NHS: variants seen among roughly 807,000 people sequenced by gnomAD.
The protein encoded by NHS is NHS actin remodeling regulator.
NHS carries 5 observed loss-of-function variants against 72.5 expected under a neutral mutation model. That is an observed-to-expected ratio of 0.07 (90% CI 0.04 to 0.14). The LOEUF is 0.14. NHS is among the 10% of genes least tolerant of loss of function. The pLI is 1.00. For missense variants in NHS, 1,072 were observed against 1,355.7 expected (o/e 0.79, Z 3.29); for synonymous variants, 464 against 547.7 (o/e 0.85, Z 2.13).
At chrX:17,502,294 C>T (rs1285270169) in intron 1 of NHS, among the ~76,000 whole-genome samples, 1 of 111,180 alleles carries the variant, frequency 9.0e-6, no homozygotes, top group Non-Finnish European at 1.9e-5. Context: ...TTAATCTCTG[C>T]GGTTGGAGCA....
chrX:17,634,238 C>T (rs963225240), intron 1 of NHS, among the ~76,000 whole-genome samples: 1 of 112,230 alleles, frequency 8.9e-6, no homozygotes, highest in African/African-American at 3.2e-5. Flanking sequence ...GCCTCAGCGC[C>T]GTTCAGTTCC....
intron 1 of NHS, among the ~76,000 whole-genome samples, chrX:17,554,834 CTTTTTTTTCT>C (rs1025476462): frequency 7.7e-5 from 8 of 104,058 alleles, no homozygotes; most frequent in African/African-American, 1.3e-4. Context: ...TGGCTGTTTT[CTTTTTTTTCT>C]TTTTTTTTCT....
chrX:17,694,403 C>G lies in NHS; in HGVS notation c.852+1935C>G, dbSNP rs190958524. 1.7e-3 allele frequency among the ~76,000 whole-genome samples: 192 copies of G among 112,387 alleles called. 1 individual carries two copies. Among genetic ancestry groups the G allele is most frequent in the African/African-American group, 5.8e-3 (179 of 30,911 alleles). ...AGACAAATGGCTGCAGGTATAGAGA[C>G]AGGAAATTTGTAGTCAAATTGCTGG... is the stretch of plus-strand genomic sequence containing the variant. On this transcript the variant is annotated intron_variant, in intron 3 of 8. Transcript: ENST00000676302.
Position 17,537,390 on chromosome X carries a change from G to A in NHS, c.566-150352G>A, listed in dbSNP as rs1452422795. Among the ~76,000 whole-genome samples the A allele has an allele frequency of 2.7e-5, 3 of 112,625 alleles. No homozygotes were observed. The Admixed American group carries it at 2.8e-4, about 11-fold the overall frequency. ...AGACAGAATCTCTTTGGATGAGGAG[G>A]AGAAAGCAAAGTGAATTGGAAGTAA... is the stretch of plus-strand genomic sequence containing the variant. On this transcript the variant is annotated intron_variant, in intron 1 of 8. Transcript: ENST00000676302.
chrX:17,552,031 GA>G (rs201385355), intron 1 of NHS, among the ~76,000 whole-genome samples: 22,188 of 111,268 alleles, frequency 0.2, 1,794 homozygotes, highest in South Asian at 0.42. Context: ...TCTTTAAAGG[GA>G]GGAAACCGAG....
At chrX:17,629,369 G>A (rs918367937) in intron 1 of NHS, among the ~76,000 whole-genome samples, 2 of 111,934 alleles carry the variant, frequency 1.8e-5, no homozygotes, top group South Asian at 7.5e-4. Flanking sequence ...TCTGCTTCTT[G>A]TCCTGGGTCT....
chrX:17,395,444 G>T (rs368591677), intron 1 of NHS, among the ~76,000 whole-genome samples: 2 of 112,035 alleles, frequency 1.8e-5, no homozygotes, highest in South Asian at 7.4e-4. Flanking sequence ...ACTATAGCAG[G>T]AGTCATTTTA....
chrX:17,717,968 TACAGTTTGCAA>T (rs1376058871), intron 3 of NHS, among the ~76,000 whole-genome samples: 1 of 111,944 alleles, frequency 8.9e-6, no homozygotes, highest in Non-Finnish European at 1.9e-5. Flanking sequence ...ATAACAAAGT[TACAGTTTGCAA>T]AGACATTTTC....
At chrX:17,638,019 G>A (rs758936394) in intron 1 of NHS, among the ~76,000 whole-genome samples, 3 of 111,829 alleles carry the variant, frequency 2.7e-5, no homozygotes, top group South Asian at 3.8e-4. Flanking sequence ...CTCCTGTTGC[G>A]TCTAGCTTAG....
intron 1 of NHS, among the ~76,000 whole-genome samples, chrX:17,487,667 G>A (rs1385714045): frequency 2.7e-5 from 3 of 111,707 alleles, no homozygotes; most frequent in African/African-American, 9.8e-5. Context: ...CTCAGAGGCT[G>A]TAATTTTAGT....
chrX:17,635,173 C>A, intron 1 of NHS: 1 of 430,709 alleles, frequency 2.3e-6, no homozygotes, highest in Non-Finnish European at 3.1e-6. Flanking sequence ...TGGCCAACTG[C>A]AATTGGAGTA....
At chrX:17,584,883 T>C (rs1252850227) in intron 1 of NHS, among the ~76,000 whole-genome samples, 1 of 112,104 alleles carries the variant, frequency 8.9e-6, no homozygotes, top group Non-Finnish European at 1.9e-5. Flanking sequence ...TTTCATGTAG[T>C]CTGAATTAGG....
intron 1 of NHS, among the ~76,000 whole-genome samples, chrX:17,467,255 G>T (rs1460800770): frequency 8.9e-6 from 1 of 111,931 alleles, no homozygotes; most frequent in East Asian, 2.8e-4. Flanking sequence ...TCCAAAAAAA[G>T]AAAAAAAGAC....
At chrX:17,649,215 T>G (rs748188867) in intron 1 of NHS, among the ~76,000 whole-genome samples, 2 of 112,493 alleles carry the variant, frequency 1.8e-5, no homozygotes, top group South Asian at 7.4e-4. Flanking sequence ...TCCAAGACAA[T>G]TATTAGCTTT....
intron 1 of NHS, among the ~76,000 whole-genome samples, chrX:17,519,963 C>T (rs1601744624): frequency 9.5e-6 from 1 of 105,473 alleles, no homozygotes; most frequent in South Asian, 4.6e-4. Flanking sequence ...ACCCCCACCC[C>T]CATTTGTGCT....
chrX:17,559,799 C>T (rs909329411), intron 1 of NHS, among the ~76,000 whole-genome samples: 56 of 111,446 alleles, frequency 5.0e-4, no homozygotes, highest in African/African-American at 1.5e-3. Context: ...TCCCTTGCCC[C>T]CGGGAGAATA....
rs990178521 is a variant in NHS at position 17,452,702 on chromosome X, A to G, written c.565+76380A>G. ...TTAAAAATTATTATTTTCAAGCCAC[A>G]TCATTGGCTGCTTACCAGGCAATAG... On this transcript the variant is annotated intron_variant, in intron 1 of 8. Transcript: ENST00000676302. 4.5e-5 allele frequency among the ~76,000 whole-genome samples: 5 copies of G among 111,676 alleles called. No homozygotes were observed. The East Asian group carries it at 1.4e-3, about 31-fold the overall frequency.
chrX:17,564,053 A>T (rs768911926), intron 1 of NHS, among the ~76,000 whole-genome samples: 2 of 112,063 alleles, frequency 1.8e-5, no homozygotes, highest in East Asian at 2.8e-4. Context: ...CAGCATATTT[A>T]TGCAAAATTT....
chrX:17,639,257 G>A (rs990530814), intron 1 of NHS, among the ~76,000 whole-genome samples: 2 of 111,959 alleles, frequency 1.8e-5, no homozygotes, highest in African/African-American at 6.5e-5. Flanking sequence ...TCTGTGCTGG[G>A]AATTAGGCTT....
Sources: allele counts gnomAD v4.1 joint callset (sites outside exome capture counted in the v4.1 genomes callset), GRCh38; gene constraint gnomAD v4.1.1; transcripts MANE v1.5; gene names NCBI Gene and HGNC (gene_info 2026-07-23, HGNC 2026-07-21).